Variants in PPFIBP2 observed in about 807,000 individuals in gnomAD.
PPFIBP2 encodes PPFIB scaffold protein 2, also known as liprin-beta-2.
In PPFIBP2, 118 loss-of-function variants were observed where a neutral mutation model predicts 118.3. The observed-to-expected ratio is 1.00, with a 90% CI of 0.86 to 1.16. PPFIBP2 has a LOEUF of 1.16. Among genes scored for constraint, PPFIBP2 ranks in the 50% most tolerant of loss-of-function variants. The pLI, the probability that PPFIBP2 is intolerant of heterozygous loss-of-function variation, is 0.00. For synonymous variants in PPFIBP2, 414 were observed against 397.4 expected (o/e 1.04, Z -0.50); for missense variants, 1,195 against 1,073.1 (o/e 1.11, Z -1.59).
chr11:7,573,739 G>A (rs981903244), intron 3 of PPFIBP2, among the ~76,000 whole-genome samples: 2 of 152,208 alleles, frequency 1.3e-5, no homozygotes, highest in Non-Finnish European at 2.9e-5. Flanking sequence ...TGTGCACCAT[G>A]TCTGTTGAAG....
intron 2 of PPFIBP2, among the ~76,000 whole-genome samples, chr11:7,556,516 T>C (rs1010783675): frequency 2.0e-5 from 3 of 152,226 alleles, no homozygotes; most frequent in African/African-American, 7.2e-5. Flanking sequence ...ATCTTCCACA[T>C]TATTTTCGTT....
rs147178784 is a variant in PPFIBP2 at position 7,551,228 on chromosome 11, A to C, written c.64+1689A>C. Among the ~76,000 whole-genome samples the C allele has an allele frequency of 7.6e-3, 1,161 of 152,216 alleles. 25 individuals carry two copies. Among genetic ancestry groups the C allele is most frequent in the African/African-American group, 0.027 (1,104 of 41,524 alleles). On this transcript the variant is annotated intron_variant, in intron 2 of 23. Transcript: ENST00000299492. ...TCGGGGTCTCACGTGCATTGGGATAATAGCTACAGGATCATTCCCTGAGAA... is the reference window on the plus strand; with the variant it reads ...TCGGGGTCTCACGTGCATTGGGATACTAGCTACAGGATCATTCCCTGAGAA...
intron 3 of PPFIBP2, among the ~76,000 whole-genome samples, chr11:7,579,041 A>G (rs1856864913): frequency 6.7e-6 from 1 of 150,344 alleles, no homozygotes; most frequent in African/African-American, 2.5e-5. Flanking sequence ...CATGGGATAC[A>G]TTGGGGGGGG....
rs531881708 is a variant in PPFIBP2 at position 7,593,303 on chromosome 11, A to G, written c.372+79A>G. The G allele has an allele frequency of 7.6e-5, 116 of 1,519,790 alleles. 1 individual carries two copies. In the East Asian group the frequency reaches 1.9e-3, roughly 24 times the overall value. 94.1% of individuals were successfully genotyped at this position (1,519,790 alleles called of 1,614,324 possible). A position where few individuals can be genotyped will look rare whatever the true frequency, so the allele number is the denominator to read the frequency against. ...TTCCCCTAAGTGGAAGGGAAGCCCA[A>G]GAGATTTTCTCTGTTGGAATTTTTC... On this transcript the variant is annotated intron_variant, in intron 4 of 23. Coordinates refer to ENST00000299492, the MANE Select transcript of PPFIBP2 (RefSeq NM_003621.5).
At chr11:7,546,338 C>G (rs1233198936) in intron 1 of PPFIBP2, among the ~76,000 whole-genome samples, 1 of 152,192 alleles carries the variant, frequency 6.6e-6, no homozygotes, top group African/African-American at 2.4e-5. Context: ...GCTTCTGATG[C>G]TAGTCATGCA....
At chr11:7,628,105 A>T (rs1219645831) in intron 8 of PPFIBP2, among the ~76,000 whole-genome samples, 180 bp from the exon 9 acceptor site, 1 of 152,212 alleles carries the variant, frequency 6.6e-6, no homozygotes, top group Non-Finnish European at 1.5e-5. Context: ...TTCATTTAGT[A>T]GTCTAGCAAA....
At chr11:7,548,672 G>A (rs1852603250) in intron 1 of PPFIBP2, among the ~76,000 whole-genome samples, 1 of 152,200 alleles carries the variant, frequency 6.6e-6, no homozygotes, top group African/African-American at 2.4e-5. Context: ...AGGGACAGGG[G>A]AGGGGCATTG....
intron 3 of PPFIBP2, among the ~76,000 whole-genome samples, chr11:7,571,020 G>A (rs7110031): frequency 1.3e-5 from 2 of 151,886 alleles, no homozygotes; most frequent in Non-Finnish European, 2.9e-5. Flanking sequence ...TCAGTTTACT[G>A]CTGCCCTTAT....
intron 6 of PPFIBP2, among the ~76,000 whole-genome samples, chr11:7,619,291 C>A (rs535287756): frequency 2.0e-5 from 3 of 152,260 alleles, no homozygotes; most frequent in Middle Eastern, 3.4e-3. Context: ...TAGCTTTACT[C>A]AGGGAGACCT....
At chr11:7,597,157 A>C (rs188468093) in intron 4 of PPFIBP2, 25 of 1,446,520 alleles carry the variant, frequency 1.7e-5, no homozygotes, top group Non-Finnish European at 2.1e-5. Flanking sequence ...GTTAGTTTCC[A>C]TGAAGTTTGG....
chr11:7,666,376 G>A, the PPFIBP2 span: 1 of 938,542 alleles, frequency 1.1e-6, no homozygotes. Flanking sequence ...ACAAAACAAA[G>A]AGACAGAGAC....
chr11:7,535,011 T>A (rs911260155), intron 1 of PPFIBP2, among the ~76,000 whole-genome samples: 2 of 152,238 alleles, frequency 1.3e-5, no homozygotes, highest in Non-Finnish European at 2.9e-5. Flanking sequence ...GCCACTTCCT[T>A]TGCCAAGGTG....
intron 1 of PPFIBP2, among the ~76,000 whole-genome samples, chr11:7,529,124 A>G (rs1233939820): frequency 6.6e-6 from 1 of 152,174 alleles, no homozygotes; most frequent in Non-Finnish European, 1.5e-5. Flanking sequence ...TCTGGGCTGC[A>G]GTGACGCAGG....
chr11:7,580,608 C>T (rs1475215016), intron 3 of PPFIBP2, among the ~76,000 whole-genome samples: 2 of 152,098 alleles, frequency 1.3e-5, no homozygotes, highest in Admixed American at 6.5e-5. Flanking sequence ...ATAGTATATA[C>T]TATTAATATT....
intron 7 of PPFIBP2, among the ~76,000 whole-genome samples, chr11:7,625,127 A>G (rs570678246): frequency 6.6e-6 from 1 of 152,286 alleles, no homozygotes; most frequent in East Asian, 1.9e-4. Flanking sequence ...CTGTGTATAC[A>G]ATGTTTTTTT....
chr11:7,571,635 T>C (rs1225012704), intron 3 of PPFIBP2: 1 of 152,174 alleles, frequency 6.6e-6, no homozygotes, highest in African/African-American at 2.4e-5. Context: ...ATTTGGTGCT[T>C]ATTTTTCAAG....
At chr11:7,573,559 A>G (rs1855905459) in intron 3 of PPFIBP2, among the ~76,000 whole-genome samples, 1 of 152,148 alleles carries the variant, frequency 6.6e-6, no homozygotes, top group Admixed American at 6.5e-5. Context: ...AAACCCAAAT[A>G]TTTGCCATCT....
intron 1 of PPFIBP2, among the ~76,000 whole-genome samples, chr11:7,542,083 G>C (rs1334539949): frequency 6.6e-6 from 1 of 152,184 alleles, no homozygotes; most frequent in Admixed American, 6.5e-5. Context: ...CTTTTAAAAG[G>C]TTAAGTCAGA....
intron 5 of PPFIBP2, 86 bp from the exon 6 acceptor site, chr11:7,610,205 G>GTGT: frequency 6.8e-7 from 1 of 1,468,624 alleles, no homozygotes; most frequent in Non-Finnish European, 9.4e-7. Context: ...CACAACTTAG[G>GTGT]TGTTGCCTTA....
Sources: allele counts gnomAD v4.1 joint callset (sites outside exome capture counted in the v4.1 genomes callset), GRCh38; gene constraint gnomAD v4.1.1; transcripts MANE v1.5; gene names NCBI Gene and HGNC (gene_info 2026-07-23, HGNC 2026-07-21).